METTL13: variants seen among roughly 807,000 people sequenced by gnomAD.
METTL13 encodes the protein eEF1A lysine and N-terminal methyltransferase.
A neutral mutation model predicts 67.4 loss-of-function variants in METTL13; 52 were observed. The observed-to-expected ratio is 0.77, with a 90% CI of 0.62 to 0.97. The LOEUF (loss-of-function observed/expected upper bound fraction) is 0.97, where lower values mean the gene tolerates loss of function less well. METTL13 is among the 50% of genes least tolerant of loss of function. The pLI, the probability that METTL13 is intolerant of heterozygous loss-of-function variation, is 0.00. For missense variants in METTL13, 825 were observed against 889.6 expected (o/e 0.93, Z 0.92); for synonymous variants, 354 against 353.6 (o/e 1.00, Z -0.01).
In METTL13 at chr1:171,784,283, C is replaced by T; in HGVS notation, c.697C>T (p.Pro233Ser). 1 of 1,613,082 alleles carries T rather than the reference C, an allele frequency of 6.2e-7. No homozygotes were observed. The highest frequency in any genetic ancestry group is 8.5e-7 in the Non-Finnish European group (1 of 1,179,390). The change falls in exon 2 of 8, where the codon CCT (proline) becomes TCT (serine). Residue 233 changes from proline (P) to serine (S), a missense_variant. Transcript: ENST00000361735. The stretch of plus-strand genomic sequence containing the variant: ...GCTGTGTGCTCAGGAGCAGCGCAAG[C>T]CTGTGCGGCTGGAGAGTGCCGAGCG... ...FELCAQEQRKPVRLESAERLA... is the reference protein window; with the variant it reads ...FELCAQEQRKSVRLESAERLA...
chr1:171,792,271 G>A (rs1407548159), intron 6 of METTL13, 36 bp downstream of exon 6: 5 of 1,609,140 alleles, frequency 3.1e-6, no homozygotes, highest in Non-Finnish European at 4.3e-6. Context: ...GGTGTTGAGG[G>A]ATGATTGATG....
At position 171,784,404 on chromosome 1, in the gene METTL13, G is replaced by A; in HGVS notation, c.818G>A (p.Cys273Tyr). ...ARLGSVSLDL[C>Y]DGDTGEPRYT... ...CTGGGGAGTGTGTCTCTGGACTTGT[G>A]CGATGGGGACACGGGGGAGCCACGC... is the stretch of plus-strand genomic sequence containing the variant. The change falls in exon 2 of 8, where the codon TGC (cysteine) becomes TAC (tyrosine). Residue 273 changes from cysteine to tyrosine, a missense_variant. By Grantham distance (194) the Cys-to-Tyr change is radical. Coordinates refer to ENST00000361735, the MANE Select transcript of METTL13 (RefSeq NM_015935.5). 1.3e-6 allele frequency: 2 copies of A among 1,555,132 alleles called. No individual in the cohort carries two copies. Among genetic ancestry groups the A allele is most frequent in the South Asian group, 1.2e-5 (1 of 80,428 alleles).
rs199795563 is a variant in METTL13 at position 171,794,401 on chromosome 1, C to A, written c.1699C>A (p.Pro567Thr). 1 of 1,614,126 alleles carries A rather than the reference C, an allele frequency of 6.2e-7. No individual in the cohort carries two copies. Among genetic ancestry groups the A allele is most frequent in the African/African-American group, 1.3e-5 (1 of 75,050 alleles). Residue 567 changes from proline (P) to threonine (T), a missense_variant, in exon 7 of 8, where the codon CCT (proline) becomes ACT (threonine). Transcript: ENST00000361735. The part of the protein sequence containing the change: ...ASLAGGGEAR[P>T]CYDVIMFDVD... ...TGTTTCCTTCTTTTTCCCAGCACGG[C>A]CTTGCTACGATGTCATAATGTTTGA... is the stretch of plus-strand genomic sequence containing the variant.
intron 6 of METTL13, among the ~76,000 whole-genome samples, chr1:171,793,317 G>A (rs1355087814): frequency 2.0e-5 from 3 of 152,204 alleles, no homozygotes; most frequent in African/African-American, 7.2e-5. Flanking sequence ...TAGCTAATAC[G>A]GTGAAGTATT....
intron 1 of METTL13, 36 bp downstream of exon 1, chr1:171,782,156 T>C: frequency 6.3e-7 from 1 of 1,584,388 alleles, no homozygotes; most frequent in Non-Finnish European, 8.7e-7. Flanking sequence ...TCGTACGTGC[T>C]CCGGAAGGTG....
intron 5 of METTL13, 64 bp downstream of exon 5, chr1:171,790,680 T>C (rs1028871674): frequency 2.2e-6 from 3 of 1,376,180 alleles, no homozygotes; most frequent in Non-Finnish European, 2.9e-6. Flanking sequence ...AAACAATTGG[T>C]GTCACTTGCA....
rs1388767892 is a variant in METTL13, at chr1:171,794,275, G to A, written c.1694-121G>A. ...CCCTTACAGGCAAACCACATCCTCT[G>A]TGTCATCCTTCTAACTTAGTCACCA... On this transcript the variant is annotated intron_variant, in intron 6 of 7. Coordinates refer to ENST00000361735, the MANE Select transcript of METTL13 (RefSeq NM_015935.5). 4.2e-6 allele frequency: 6 copies of A among 1,423,206 alleles called. No individual in the cohort carries two copies. In the African/African-American group the frequency reaches 5.6e-5, roughly 13 times the overall value. The allele number at this position is 1,423,206 out of a possible 1,614,324, so 88.2% of individuals were successfully genotyped here.
intron 4 of METTL13, among the ~76,000 whole-genome samples, chr1:171,789,139 C>T (rs1323672319): frequency 2.6e-5 from 4 of 152,268 alleles, no homozygotes; most frequent in East Asian, 1.9e-4. Context: ...TCCTTGATTT[C>T]TTGGTAGCAC....
chr1:171,783,597 A>T, intron 1 of METTL13, 143 bp from the exon 2 acceptor site: 1 of 926,452 alleles, frequency 1.1e-6, no homozygotes, highest in Non-Finnish European at 1.6e-6. Flanking sequence ...CATCAACTCT[A>T]CAATGTCGCT....
chr1:171,795,233 G>A (rs1466071233), intron 7 of METTL13, among the ~76,000 whole-genome samples: 1 of 152,184 alleles, frequency 6.6e-6, no homozygotes, highest in Non-Finnish European at 1.5e-5. Context: ...GTTATATCAT[G>A]TAACTTAACA....
At chr1:171,789,589 A>G (rs1571168133) in intron 4 of METTL13, among the ~76,000 whole-genome samples, 1 of 152,346 alleles carries the variant, frequency 6.6e-6, no homozygotes, top group Non-Finnish European at 1.5e-5. Flanking sequence ...TAAGGTTGTT[A>G]GAAGAGCTAA....
At position 171,784,346 on chromosome 1, in the gene METTL13, T is replaced by TGGCTGTGCAGCC. The variant is rs760945868; in HGVS notation, c.761_772dup (p.Ser257_Gln258insArgLeuCysSer). 1.9e-6 allele frequency: 3 copies of TGGCTGTGCAGCC among 1,584,992 alleles called. No homozygotes were observed. The highest frequency in any genetic ancestry group is 2.6e-6 in the Non-Finnish European group (3 of 1,164,926). On this transcript the variant is annotated inframe_insertion, in exon 2 of 8. Coordinates refer to ENST00000361735, the MANE Select transcript of METTL13 (RefSeq NM_015935.5). ...GGTGCAGGAGCGACAGCAGTATGCC[T>TGGCTGTGCAGCC]GGCTGTGCAGCCAGCTGCGCCGCAA...
intron 5 of METTL13, among the ~76,000 whole-genome samples, chr1:171,791,312 G>C (rs1657196967): frequency 6.6e-6 from 1 of 152,122 alleles, no homozygotes; most frequent in South Asian, 2.1e-4. Context: ...GTGATTTGTG[G>C]AACTTGAATG....
intron 5 of METTL13, 51 bp from the exon 6 acceptor site, chr1:171,791,966 G>C (rs1253574576): frequency 6.2e-7 from 1 of 1,600,364 alleles, no homozygotes; most frequent in South Asian, 1.1e-5. Context: ...GGCTGGTACA[G>C]AATTTTCCAG....
chr1:171,782,166 G>A (rs749987319), intron 1 of METTL13, 46 bp downstream of exon 1: 3 of 1,548,752 alleles, frequency 1.9e-6, no homozygotes, highest in Non-Finnish European at 8.9e-7. Flanking sequence ...TCCGGAAGGT[G>A]GGAACTGGTA....
intron 7 of METTL13, 31 bp downstream of exon 7, chr1:171,794,558 A>C: frequency 6.2e-7 from 1 of 1,613,446 alleles, no homozygotes; most frequent in Non-Finnish European, 8.5e-7. Flanking sequence ...GAGAGGGAGG[A>C]GAGAAGGGAC....
At chr1:171,789,559 T>C (rs10913683) in intron 4 of METTL13, among the ~76,000 whole-genome samples, 29,046 of 152,162 alleles carry the variant, frequency 0.19, 2,917 homozygotes, top group African/African-American at 0.23. Context: ...AGTGTGTTCA[T>C]GTGCCAAGAA....
At chr1:171,790,228 C>T (rs1194412057) in intron 4 of METTL13, among the ~76,000 whole-genome samples, 3 of 152,174 alleles carry the variant, frequency 2.0e-5, no homozygotes, top group Middle Eastern at 3.2e-3. Flanking sequence ...CATGGTGGCT[C>T]CGACATTGGG....
chr1:171,791,649 A>G (rs1251084228), intron 5 of METTL13, among the ~76,000 whole-genome samples: 1 of 152,030 alleles, frequency 6.6e-6, no homozygotes, highest in South Asian at 2.1e-4. Context: ...TACTTTCTAT[A>G]GACAGGATTT....
Sources: gnomAD v4.1 joint callset for allele counts (sites outside exome capture counted in the v4.1 genomes callset) on GRCh38, gnomAD v4.1.1 for gene constraint, MANE v1.5 for transcripts, NCBI Gene and HGNC (gene_info 2026-07-23, HGNC 2026-07-21) for gene names.